Variants in MAPK10 observed in about 807,000 individuals in gnomAD.
The protein encoded by MAPK10 is mitogen-activated protein kinase 10.
A neutral mutation model predicts 59.3 loss-of-function variants in MAPK10; 25 were observed. The observed-to-expected ratio is 0.42, with a 90% CI of 0.31 to 0.59. MAPK10 has a LOEUF of 0.59. MAPK10 is among the 20% of genes least tolerant of loss of function. MAPK10 has a pLI of 0.15. For missense variants in MAPK10, 351 were observed against 568.9 expected, an observed-to-expected ratio of 0.62 and a Z score of 3.90; for synonymous variants, 190 against 200.5, an observed-to-expected ratio of 0.95 and a Z score of 0.44.
At chr4:86,299,068 T>C (rs990745865) in intron 2 of MAPK10, among the ~76,000 whole-genome samples, 24 of 152,362 alleles carry the variant, frequency 1.6e-4, no homozygotes, top group African/African-American at 5.0e-4. Context: ...CTTCTTGATA[T>C]GTGTCTAAAA....
At chr4:86,335,532 C>T (rs917737366) in intron 2 of MAPK10, among the ~76,000 whole-genome samples, 9 of 151,994 alleles carry the variant, frequency 5.9e-5, no homozygotes, top group African/African-American at 2.2e-4. Context: ...CCTCTCTCAC[C>T]CCCTTCTTCT....
chr4:86,582,112 A>G (rs921263636), intron 1 of MAPK10, among the ~76,000 whole-genome samples: 3 of 151,528 alleles, frequency 2.0e-5, no homozygotes, highest in African/African-American at 7.3e-5. Context: ...TCAAAAGTAC[A>G]AGAAATCGTT....
intron 1 of MAPK10, among the ~76,000 whole-genome samples, chr4:86,527,845 T>C (rs1278134816): frequency 6.6e-6 from 1 of 152,200 alleles, no homozygotes; most frequent in East Asian, 1.9e-4. Context: ...ATCATGTCCT[T>C]TGTAGCAACA....
chr4:86,423,793 A>ATATGTATG (rs1746884679), intron 1 of MAPK10, among the ~76,000 whole-genome samples: 1 of 146,288 alleles, frequency 6.8e-6, no homozygotes, highest in African/African-American at 2.5e-5. Context: ...ATATATATAT[A>ATATGTATG]TATGTTTAGG....
chr4:86,097,654 T>C (rs1177971402), intron 9 of MAPK10, among the ~76,000 whole-genome samples: 1 of 152,074 alleles, frequency 6.6e-6, no homozygotes, highest in African/African-American at 2.4e-5. Flanking sequence ...GTAAGGTATT[T>C]TTGTATTTTT....
intron 1 of MAPK10, among the ~76,000 whole-genome samples, chr4:86,385,936 C>T (rs1741391894): frequency 6.6e-6 from 1 of 152,178 alleles, no homozygotes; most frequent in African/African-American, 2.4e-5. Flanking sequence ...AACCCTAGTA[C>T]TGTAGTATTT....
chr4:86,569,173 A>G (rs1301619925), intron 1 of MAPK10, among the ~76,000 whole-genome samples: 3 of 152,190 alleles, frequency 2.0e-5, no homozygotes, highest in Non-Finnish European at 2.9e-5. Flanking sequence ...AAAGACATAC[A>G]AGCGGCCAAT....
rs1417850817 is a variant in MAPK10 at position 86,345,063 on chromosome 4, A to T, written c.-7+9467T>A. On this transcript the variant is annotated intron_variant, in intron 2 of 13. Coordinates refer to ENST00000641462, the MANE Select transcript of MAPK10 (RefSeq NM_138982.4). ...AGAAGTGACTTCCTATAGCTAAAAT[A>T]TCTTATTTATTGATTCAGAGTAAAT... 2.0e-5 allele frequency among the ~76,000 whole-genome samples: 3 copies of T among 152,276 alleles called. No homozygotes were observed. In the South Asian group the frequency reaches 6.2e-4, roughly 32 times the overall value.
chr4:86,419,130 C>T (rs1324600508), intron 1 of MAPK10, among the ~76,000 whole-genome samples: 2 of 152,156 alleles, frequency 1.3e-5, no homozygotes, highest in Non-Finnish European at 2.9e-5. Flanking sequence ...ACCATCTGTC[C>T]TCCAAAAACT....
At chr4:86,170,085 G>A (rs1314184170) in intron 3 of MAPK10, among the ~76,000 whole-genome samples, 31 of 151,782 alleles carry the variant, frequency 2.0e-4, no homozygotes, top group Admixed American at 9.2e-4. Flanking sequence ...AGGAACAACC[G>A]GTACCAGCCG....
At chr4:86,108,531 G>A (rs12647176) in intron 4 of MAPK10, among the ~76,000 whole-genome samples, 27,898 of 152,056 alleles carry the variant, frequency 0.18, 2,700 homozygotes, top group African/African-American at 0.23. Context: ...ACAGAATAAG[G>A]TTGAAAAAAG....
At chr4:86,494,447 C>A (rs1485666040) in intron 1 of MAPK10, among the ~76,000 whole-genome samples, 1 of 152,140 alleles carries the variant, frequency 6.6e-6, no homozygotes, top group Admixed American at 6.5e-5. Context: ...GGGAAAAGAG[C>A]TGGAGGGGAT....
chr4:86,245,002 T>C (rs987866474), intron 2 of MAPK10, among the ~76,000 whole-genome samples: 1 of 149,742 alleles, frequency 6.7e-6, no homozygotes, highest in South Asian at 2.1e-4. Context: ...GGTCTAGATA[T>C]GCATTTTTCT....
intron 1 of MAPK10, among the ~76,000 whole-genome samples, chr4:86,359,288 C>CTCTCTCTCTCTCTCTCTCTCTCTG (rs796310826): frequency 2.1e-5 from 2 of 94,632 alleles, no homozygotes; most frequent in Non-Finnish European, 4.0e-5. Context: ...CTCTCTCTCT[C>CTCTCTCTCTCTCTCTCTCTCTCTG]TGTGTGTGTG....
chr4:86,086,112 C>A (rs1224424495), intron 9 of MAPK10, among the ~76,000 whole-genome samples: 1 of 151,992 alleles, frequency 6.6e-6, no homozygotes, highest in African/African-American at 2.4e-5. Flanking sequence ...CAGCAAACCA[C>A]CACGGTACAC....
At chr4:86,193,386 A>T (rs2080407891) in intron 3 of MAPK10, 1 of 152,176 alleles carries the variant, frequency 6.6e-6, no homozygotes, top group Admixed American at 6.5e-5. Context: ...TGTCCCAGGG[A>T]GATAGGAGTT....
intron 2 of MAPK10, among the ~76,000 whole-genome samples, chr4:86,322,266 T>A (rs1206550753): frequency 1.3e-5 from 2 of 152,224 alleles, no homozygotes; most frequent in Admixed American, 1.3e-4. Flanking sequence ...GTCCTTGGCA[T>A]TTCTTTTCTG....
chr4:86,436,790 C>T (rs894845481), intron 1 of MAPK10, among the ~76,000 whole-genome samples: 5 of 152,044 alleles, frequency 3.3e-5, no homozygotes, highest in African/African-American at 1.2e-4. Flanking sequence ...TTCCCAATAC[C>T]TATATTTTTC....
chr4:86,163,352 C>T (rs1433635596), intron 3 of MAPK10, among the ~76,000 whole-genome samples: 1 of 152,030 alleles, frequency 6.6e-6, no homozygotes, highest in Non-Finnish European at 1.5e-5. Flanking sequence ...TATAGTATTC[C>T]TTGTCATGAC....
Sources: allele counts gnomAD v4.1 joint callset (sites outside exome capture counted in the v4.1 genomes callset), GRCh38; gene constraint gnomAD v4.1.1; transcripts MANE v1.5; gene names NCBI Gene and HGNC (gene_info 2026-07-23, HGNC 2026-07-21).